The following NTRK3 variants were observed in gnomAD, a reference collection of about 807,000 sequenced individuals.
NTRK3 encodes the protein neurotrophic receptor tyrosine kinase 3, also known as NT-3 growth factor receptor.
Under a neutral mutation model 91.7 loss-of-function variants are expected in NTRK3, and 24 were observed. The ratio of observed to expected loss-of-function variants is 0.26; its 90% CI spans 0.19 to 0.37. The LOEUF is 0.37. Among genes scored for constraint, NTRK3 ranks in the 10% least tolerant of loss-of-function variants. NTRK3 has a pLI of 1.00. For missense variants in NTRK3, 880 were observed against 1,068.9 expected, an observed-to-expected ratio of 0.82 and a Z score of 2.46; for synonymous variants, 483 against 404.0, an observed-to-expected ratio of 1.20 and a Z score of -2.34.
intron 3 of NTRK3, among the ~76,000 whole-genome samples, chr15:88,193,850 A>C (rs1200542388): frequency 6.6e-6 from 1 of 152,010 alleles, no homozygotes; most frequent in African/African-American, 2.4e-5. Context: ...AACCTCCTTG[A>C]CTCCATGTCC....
At chr15:87,869,514 G>A (rs918514927) in exon 19 of NTRK3, 4 of 218,398 alleles carry the variant, frequency 1.8e-5, no homozygotes, top group Admixed American at 1.2e-4. Flanking sequence ...TTTGTGTGCC[G>A]AATCATTCGG....
At chr15:87,872,421 C>G (rs2064845173) in exon 19 of NTRK3, 1 of 225,336 alleles carries the variant, frequency 4.4e-6, no homozygotes, top group Non-Finnish European at 8.8e-6. Context: ...TCAAACATCC[C>G]GGCCTCTTAC....
intron 14 of NTRK3, among the ~76,000 whole-genome samples, chr15:88,011,827 G>A (rs113985944): frequency 6.6e-6 from 1 of 152,356 alleles, no homozygotes; most frequent in Non-Finnish European, 1.5e-5. Flanking sequence ...ACCCAGTAGT[G>A]CAGAAGTGAA....
At chr15:88,225,322 C>G (rs576754606) in intron 3 of NTRK3, among the ~76,000 whole-genome samples, 9 of 152,278 alleles carry the variant, frequency 5.9e-5, no homozygotes, top group African/African-American at 1.9e-4. Flanking sequence ...GGGTTCTCTG[C>G]TGGGTGGAGG....
chr15:88,075,191 T>C (rs900123981), intron 13 of NTRK3, among the ~76,000 whole-genome samples: 3 of 152,196 alleles, frequency 2.0e-5, no homozygotes, highest in African/African-American at 7.2e-5. Flanking sequence ...CTCCCTGCCA[T>C]GAACTTGACC....
chr15:88,195,823 C>T (rs2047768804), intron 3 of NTRK3, among the ~76,000 whole-genome samples: 1 of 152,202 alleles, frequency 6.6e-6, no homozygotes, highest in Non-Finnish European at 1.5e-5. Flanking sequence ...CAGGCCTGAG[C>T]AGCTGGCTTG....
chr15:88,056,289 T>C, intron 13 of NTRK3, among the ~76,000 whole-genome samples: 1 of 151,178 alleles, frequency 6.6e-6, no homozygotes, highest in East Asian at 1.9e-4. Context: ...TTTATGTCTT[T>C]TTATAGCCAA....
At chr15:87,987,909 ATAAAAG>A (rs1316074353) in intron 14 of NTRK3, among the ~76,000 whole-genome samples, 1 of 151,850 alleles carries the variant, frequency 6.6e-6, no homozygotes, top group East Asian at 1.9e-4. Flanking sequence ...TAAATATAAG[ATAAAAG>A]TACTACGTTT....
chr15:88,147,929 T>C (rs77864595), intron 5 of NTRK3, among the ~76,000 whole-genome samples: 2,367 of 152,304 alleles, frequency 0.016, 20 homozygotes, highest in Non-Finnish European at 0.024. Context: ...GCTATTTAAT[T>C]GTTCTCATTA....
rs763884750 is a variant in NTRK3 at position 87,877,127 on chromosome 15, G to C, written c.2293-7C>G. 4 of 1,613,738 alleles carry C rather than the reference G, an allele frequency of 2.5e-6. No individual in the cohort carries two copies. The East Asian group carries it at 6.7e-5, about 27-fold the overall frequency. ...GGGTAATGCACTCAATGACCTGAAA[G>C]AGTGAGAAGAACAAGGAAGTTACAC... is the stretch of plus-strand genomic sequence containing the variant. On this transcript the variant is annotated splice_region_variant and splice_polypyrimidine_tract_variant and intron_variant, in intron 18 of 18. Transcript: ENST00000394480.
intron 14 of NTRK3, among the ~76,000 whole-genome samples, chr15:87,957,891 A>G (rs539144984): frequency 6.6e-6 from 1 of 152,314 alleles, no homozygotes; most frequent in South Asian, 2.1e-4. Flanking sequence ...GAAAGGAAAG[A>G]ACTAAATTGC....
intron 5 of NTRK3, among the ~76,000 whole-genome samples, chr15:88,152,372 T>G (rs2043465606): frequency 6.6e-6 from 1 of 152,206 alleles, no homozygotes; most frequent in African/African-American, 2.4e-5. Flanking sequence ...AGATGGGATT[T>G]TTAAAGACCT....
intron 15 of NTRK3, among the ~76,000 whole-genome samples, chr15:87,940,219 T>A (rs1464424799): frequency 1.3e-5 from 2 of 152,122 alleles, no homozygotes; most frequent in Non-Finnish European, 2.9e-5. Flanking sequence ...TCCTCCTTAA[T>A]CAGCCTGCTC....
At chr15:88,214,813 G>C (rs1215013930) in intron 3 of NTRK3, among the ~76,000 whole-genome samples, 6 of 152,166 alleles carry the variant, frequency 3.9e-5, no homozygotes, top group Non-Finnish European at 8.8e-5. Flanking sequence ...CCCATAACCG[G>C]CTGGGCACAC....
At chr15:88,253,617 C>A (rs936133874) in intron 3 of NTRK3, 1 of 152,294 alleles carries the variant, frequency 6.6e-6, no homozygotes, top group East Asian at 1.9e-4. Context: ...GTCATTTGAC[C>A]CATGACCTCT....
chr15:88,140,083 A>T (rs1361181813), intron 6 of NTRK3, among the ~76,000 whole-genome samples: 2 of 152,216 alleles, frequency 1.3e-5, no homozygotes, highest in Admixed American at 6.5e-5. Flanking sequence ...GAAGCCAGAT[A>T]AGAGAGGACT....
rs114743157 is a variant in NTRK3, at chr15:88,180,750, G to A, written c.395+2668C>T. Among the ~76,000 whole-genome samples, 329 of 149,556 alleles carry A rather than the reference G, an allele frequency of 2.2e-3. 3 individuals carry two copies. Among genetic ancestry groups the A allele is most frequent in the African/African-American group, 7.6e-3 (307 of 40,590 alleles). ...TAGTGTTGGAGTAAGTGATCATCTT[G>A]TGATTGCTCAGCTGGGGCCAGAAGA... On this transcript the variant is annotated intron_variant, in intron 5 of 18. Transcript: ENST00000394480.
intron 3 of NTRK3, among the ~76,000 whole-genome samples, chr15:88,236,828 G>A (rs1323750921): frequency 3.5e-5 from 5 of 144,328 alleles, no homozygotes; most frequent in African/African-American, 1.3e-4. Context: ...GAAAAGAAAA[G>A]AAAAATCTCC....
chr15:88,173,932 G>A (rs1030154226), intron 5 of NTRK3, among the ~76,000 whole-genome samples: 7 of 152,152 alleles, frequency 4.6e-5, no homozygotes, highest in Admixed American at 1.3e-4. Flanking sequence ...TGTAAAATGG[G>A]GACAACAATG....
Sources: gnomAD v4.1 joint callset for allele counts (sites outside exome capture counted in the v4.1 genomes callset) on GRCh38, gnomAD v4.1.1 for gene constraint, MANE v1.5 for transcripts, NCBI Gene and HGNC (gene_info 2026-07-23, HGNC 2026-07-21) for gene names.